The following RANBP2 variants were observed in gnomAD, a reference collection of about 807,000 sequenced individuals.
RANBP2 encodes the protein RAN binding protein 2.
RANBP2 carries 57 observed loss-of-function variants against 303.6 expected under a neutral mutation model. The observed-to-expected ratio is 0.19, with a 90% CI of 0.15 to 0.23. The LOEUF (loss-of-function observed/expected upper bound fraction) is 0.23. RANBP2 is among the 10% of genes least tolerant of loss of function. The pLI, the probability that RANBP2 is intolerant of heterozygous loss-of-function variation, is 1.00. For missense variants in RANBP2, 3,138 were observed against 3,780.8 expected, an observed-to-expected ratio of 0.83 and a Z score of 4.46; for synonymous variants, 1,167 against 1,301.5, an observed-to-expected ratio of 0.90 and a Z score of 2.23.
chr2:109,021,439 C>G, the RANBP2 span, among the ~76,000 whole-genome samples: 2 of 149,566 alleles, frequency 1.3e-5, no homozygotes, highest in Admixed American at 1.4e-4. Flanking sequence ...AGGAGAATGG[C>G]GTGAACCCGG....
the RANBP2 span, among the ~76,000 whole-genome samples, chr2:108,821,955 T>TC: frequency 6.6e-6 from 1 of 151,816 alleles, no homozygotes; most frequent in Non-Finnish European, 1.5e-5. Context: ...AGTATGTCCT[T>TC]CCTTTATCAG....
chr2:109,206,615 CT>C, the RANBP2 span, among the ~76,000 whole-genome samples: 1 of 151,606 alleles, frequency 6.6e-6, no homozygotes, highest in African/African-American at 2.4e-5. Flanking sequence ...CAAGACCAGC[CT>C]GGGAAACATA....
At chr2:108,999,043 A>G in the RANBP2 span, among the ~76,000 whole-genome samples, 3 of 152,256 alleles carry the variant, frequency 2.0e-5, no homozygotes, top group Non-Finnish European at 1.5e-5. Context: ...AAATTTATCC[A>G]TTTTAGTGCT....
the RANBP2 span, among the ~76,000 whole-genome samples, chr2:109,369,835 C>T: frequency 6.6e-6 from 1 of 152,222 alleles, no homozygotes. Flanking sequence ...ATTTCTTAGA[C>T]CCCACCAGCC....
chr2:109,681,978 G>T, the RANBP2 span, among the ~76,000 whole-genome samples: 5 of 152,236 alleles, frequency 3.3e-5, no homozygotes, highest in Admixed American at 6.5e-5. Context: ...GTAAACACGG[G>T]TTCCCAAGCC....
chr2:109,421,590 A>G, the RANBP2 span, among the ~76,000 whole-genome samples: 1 of 152,200 alleles, frequency 6.6e-6, no homozygotes, highest in Non-Finnish European at 1.5e-5. Flanking sequence ...TTCTTCACCC[A>G]GTTCGCCTGC....
chr2:108,912,200 G>A, the RANBP2 span, among the ~76,000 whole-genome samples: 2 of 152,184 alleles, frequency 1.3e-5, no homozygotes, highest in Non-Finnish European at 1.5e-5. Context: ...CCAGCTGGAG[G>A]GCTGACTCTG....
rs780328981 is a variant in RANBP2 at position 108,754,969 on chromosome 2, A to G, written c.2267A>G (p.Tyr756Cys). 3.0e-5 allele frequency: 49 copies of G among 1,611,802 alleles called. No individual in the cohort carries two copies. In the South Asian group the frequency reaches 3.2e-4, roughly 10 times the overall value. The change falls in exon 16 of 29, where the codon TAT (tyrosine) becomes TGT (cysteine). Residue 756 changes from tyrosine to cysteine, a missense_variant. Tyr to Cys is a radical substitution (Grantham distance 194). This residue lies in a region of RANBP2 where 194 missense variants were observed against 197.4 expected (regional missense o/e 0.98). Transcript: ENST00000283195. Reference protein sequence around the residue: ...LNSVMQELEDYSEGGPLYKNG... With the variant: ...LNSVMQELEDCSEGGPLYKNG... ...TCAGTCATGCAGGAACTCGAAGACT[A>G]TAGTGAAGGAGGTCCTCTCTATAAA...
At chr2:109,532,478 G>T in the RANBP2 span, among the ~76,000 whole-genome samples, 1 of 152,138 alleles carries the variant, frequency 6.6e-6, no homozygotes, top group African/African-American at 2.4e-5. Context: ...GAAGCCCTGT[G>T]CGTGGGTGCC....
chr2:109,638,106 A>G, the RANBP2 span, among the ~76,000 whole-genome samples: 1 of 152,224 alleles, frequency 6.6e-6, no homozygotes, highest in Non-Finnish European at 1.5e-5. Context: ...ACTGTACATG[A>G]CTGTACTTTC....
At chr2:109,715,769 C>T in the RANBP2 span, among the ~76,000 whole-genome samples, 5 of 152,204 alleles carry the variant, frequency 3.3e-5, no homozygotes, top group Admixed American at 3.3e-4. Flanking sequence ...TCATCTGGTT[C>T]ACCTGGCAGC....
At chr2:109,432,400 A>G in the RANBP2 span, 17 of 1,462,862 alleles carry the variant, frequency 1.2e-5, no homozygotes, top group African/African-American at 2.8e-5. Context: ...GGGTCTTTTT[A>G]GGTTGGGTTC....
chr2:109,045,575 C>T, the RANBP2 span, among the ~76,000 whole-genome samples: 1 of 152,058 alleles, frequency 6.6e-6, no homozygotes, highest in Admixed American at 6.5e-5. Context: ...AAACAGAGAC[C>T]CTGATAGAAA....
At chr2:109,201,426 ATCCAGGTATC>A in the RANBP2 span, among the ~76,000 whole-genome samples, 1 of 151,950 alleles carries the variant, frequency 6.6e-6, no homozygotes, top group Non-Finnish European at 1.5e-5. Context: ...CCAGGCACAC[ATCCAGGTATC>A]TCAGCCGCCA....
chr2:108,910,973 A>G, the RANBP2 span: 1 of 1,614,092 alleles, frequency 6.2e-7, no homozygotes, highest in Admixed American at 1.7e-5. Context: ...TGTCTTCAGG[A>G]TGTAGAACAT....
At chr2:108,774,114 CTG>C (rs1432904954) in intron 23 of RANBP2, among the ~76,000 whole-genome samples, 1 of 152,148 alleles carries the variant, frequency 6.6e-6, no homozygotes, top group Non-Finnish European at 1.5e-5. Context: ...TTTATTAAAT[CTG>C]TGAATGACAT....
the RANBP2 span, among the ~76,000 whole-genome samples, chr2:109,320,451 T>C: frequency 1.3e-5 from 2 of 152,176 alleles, no homozygotes; most frequent in African/African-American, 4.8e-5. Context: ...TCCTCGGCAG[T>C]GAGCCACAAC....
At chr2:109,600,097 C>T in the RANBP2 span, among the ~76,000 whole-genome samples, 2 of 152,176 alleles carry the variant, frequency 1.3e-5, no homozygotes, top group Non-Finnish European at 2.9e-5. Context: ...CCCTAGGCAG[C>T]TGGTAGTTGA....
the RANBP2 span, chr2:108,910,882 C>T: frequency 6.2e-7 from 1 of 1,614,084 alleles, no homozygotes; most frequent in Non-Finnish European, 8.5e-7. Flanking sequence ...AGCAGCCAGG[C>T]TCTCCGACAG....
Sources: gnomAD v4.1 joint callset for allele counts (sites outside exome capture counted in the v4.1 genomes callset) on GRCh38, gnomAD v4.1.1 for gene constraint, gnomAD v4.1.1 regional missense constraint, MANE v1.5 for transcripts, NCBI Gene and HGNC (gene_info 2026-07-23, HGNC 2026-07-21) for gene names.